The following WDR18 variants were observed in gnomAD, a reference collection of about 807,000 sequenced individuals.
WDR18 encodes WD repeat domain 18.
A neutral mutation model predicts 49.6 loss-of-function variants in WDR18; 33 were observed. That is an observed-to-expected ratio of 0.67 (90% CI 0.50 to 0.89). The LOEUF (loss-of-function observed/expected upper bound fraction) is 0.89, where lower values mean the gene tolerates loss of function less well. Among genes scored for constraint, WDR18 ranks in the 40% least tolerant of loss-of-function variants. The probability of loss-of-function intolerance (pLI) is 0.00; values close to 1 mark genes in which losing one functional copy is unlikely to be tolerated. For synonymous variants in WDR18, 315 were observed against 263.6 expected (o/e 1.19, Z -1.89); for missense variants, 653 against 593.6 (o/e 1.10, Z -1.04).
chr19:992,947 C>T (rs566801335), intron 8 of WDR18, among the ~76,000 whole-genome samples: 22 of 152,344 alleles, frequency 1.4e-4, no homozygotes, highest in East Asian at 7.7e-4. Flanking sequence ...GGAGGGTGCC[C>T]GACAGCCTGA....
chr19:991,430 G>A, intron 7 of WDR18, 79 bp downstream of exon 7: 7 of 1,411,788 alleles, frequency 5.0e-6, no homozygotes, highest in Non-Finnish European at 6.5e-6. Flanking sequence ...GCTTGGGTGG[G>A]GGCGGGGACT....
At chr19:986,003 C>T in intron 2 of WDR18, 28 bp downstream of exon 2, 1 of 1,603,082 alleles carries the variant, frequency 6.2e-7, no homozygotes. Flanking sequence ...TGAGCGTTTC[C>T]CACAGGACAT....
intron 8 of WDR18, 111 bp downstream of exon 8, chr19:992,232 G>C: frequency 7.7e-7 from 1 of 1,307,048 alleles, no homozygotes; most frequent in South Asian, 1.7e-5. Flanking sequence ...TTCCCCACAA[G>C]CCCGGCACTG....
chr19:990,412 C>T (rs917042012), intron 4 of WDR18, 48 bp downstream of exon 4: 24 of 1,472,922 alleles, frequency 1.6e-5, no homozygotes, highest in East Asian at 5.2e-5. Context: ...GCCCAGCAGC[C>T]GCAGGTCCTC....
At position 984,429 on chromosome 19, in the gene WDR18, C is replaced by A. The variant is rs750704310; in HGVS notation, c.76C>A (p.His26Asn). The change falls in exon 1 of 10, where the codon CAC becomes AAC. Residue 26 changes from histidine to asparagine, a missense_variant. By Grantham distance (68) the His-to-Asn change is moderately conservative (BLOSUM62 1). Coordinates refer to ENST00000585809, the MANE Select transcript of WDR18 (RefSeq NM_024100.4). ...PMWSCIVWEL[H>N]SGANLLTYRG... is the part of the protein sequence containing the mutation. ...GTGGAGCTGCATCGTGTGGGAACTT[C>A]ACTCGGGCGCCAACCTGCTCACCTA... 60 of 1,602,474 alleles carry A rather than the reference C, an allele frequency of 3.7e-5. No individual in the cohort carries two copies. Among genetic ancestry groups the A allele is most frequent in the Non-Finnish European group, 1.7e-6 (2 of 1,175,902 alleles).
rs1348612148 is a variant in WDR18, at chr19:990,849, C to A, written c.598-3C>A. 6 of 1,599,282 alleles carry A rather than the reference C, an allele frequency of 3.8e-6. No individual in the cohort carries two copies. The South Asian group carries it at 5.6e-5, about 15-fold the overall frequency. ...GAGCCCCACGCCCTTTGCCCACCCGCAGCTATGGGAGGTCTCCTCGGGGGA... is the reference window on the plus strand; with the variant it reads ...GAGCCCCACGCCCTTTGCCCACCCGAAGCTATGGGAGGTCTCCTCGGGGGA... On this transcript the variant is annotated splice_region_variant and splice_polypyrimidine_tract_variant and intron_variant, in intron 4 of 9. Transcript: ENST00000585809.
intron 8 of WDR18, among the ~76,000 whole-genome samples, chr19:992,996 C>T (rs2038579774): frequency 6.6e-6 from 1 of 152,240 alleles, no homozygotes; most frequent in Non-Finnish European, 1.5e-5. Context: ...GCCGTTATCT[C>T]CCTTGTCCGT....
chr19:993,920 C>T (rs1427878939), intron 8 of WDR18, 100 bp from the exon 9 acceptor site: 9 of 1,369,754 alleles, frequency 6.6e-6, no homozygotes, highest in Non-Finnish European at 9.0e-6. Context: ...GTGGCCCCTC[C>T]CTGGCTGAGT....
intron 2 of WDR18, among the ~76,000 whole-genome samples, chr19:989,184 G>A (rs1168750051): frequency 3.7e-5 from 4 of 107,716 alleles, no homozygotes; most frequent in Non-Finnish European, 7.6e-5. Context: ...CTCAGTCCTC[G>A]AACCCACAAC....
rs2240150 is a variant in WDR18, at chr19:991,063, A to C, written c.742-18A>C. ...AGGGCATCGGGCCTGCGGCTCACAC[A>C]CGTCTCGGCCTTCGCAGCCCGGACA... is the stretch of plus-strand genomic sequence containing the variant. On this transcript the variant is annotated intron_variant, in intron 5 of 9. Coordinates refer to ENST00000585809, the MANE Select transcript of WDR18 (RefSeq NM_024100.4). 0.13 allele frequency: 211,683 copies of C among 1,601,796 alleles called. 15,409 individuals carry two copies. The highest frequency in any genetic ancestry group is 0.27 in the South Asian group (24,075 of 89,518).
intron 3 of WDR18, 37 bp from the exon 4 acceptor site, chr19:990,186 C>A: frequency 1.3e-6 from 2 of 1,573,034 alleles, no homozygotes; most frequent in Admixed American, 1.7e-5. Flanking sequence ...GTTCCCTCCG[C>A]TCCCCGCCTG....
At chr19:983,218 G>A (rs1017774339), upstream of WDR18, among the ~76,000 whole-genome samples, 8 of 152,204 alleles carry the variant, frequency 5.3e-5, no homozygotes, top group East Asian at 1.9e-4. Context: ...CAAGGCCTAA[G>A]CCCAGGTGTT....
Position 990,346 on chromosome 19 carries a change from A to G in WDR18, c.579A>G (p.Ser193=), listed in dbSNP as rs1314024488. ...CCCTGGCCCGGGTGGCCACCTCCTC[A>G]CTGGACCAGACGGTGAAGGTACGCC... ...GGPLARVATS[S]LDQTVKLWEV... is the part of the protein sequence containing the mutation. The change falls in exon 4 of 10, where the codon TCA becomes TCG. Residue 193 remains serine (S), a synonymous_variant. Transcript: ENST00000585809. 3 of 1,578,330 alleles carry G rather than the reference A, an allele frequency of 1.9e-6. No individual in the cohort carries two copies. The African/African-American group carries it at 4.0e-5, about 21-fold the overall frequency.
chr19:990,527 C>T, intron 4 of WDR18, 163 bp downstream of exon 4: 2 of 1,118,186 alleles, frequency 1.8e-6, no homozygotes, highest in Admixed American at 3.3e-5. Context: ...GGGAGGTCTG[C>T]CAGCCTGGAA....
In WDR18 at chr19:994,242, C is replaced by G. The variant is rs956435939; in HGVS notation, c.1197C>G (p.Arg399=). ...TGCTCGGCGGCCAGGACCAGCTGCG[C>G]GTCCGTGTGACGGAGCTGGAGGACG... ...KSVLGGQDQL[R]VRVTELEDEV... Residue 399 remains arginine, a synonymous_variant, in exon 10 of 10, where the codon CGC becomes CGG. Coordinates refer to ENST00000585809, the MANE Select transcript of WDR18 (RefSeq NM_024100.4). 1 of 1,607,004 alleles carries G rather than the reference C, an allele frequency of 6.2e-7. No individual in the cohort carries two copies. The highest frequency in any genetic ancestry group is 1.7e-5 in the Admixed American group (1 of 59,648).
At chr19:990,703 A>C in intron 4 of WDR18, 149 bp from the exon 5 acceptor site, 2 of 1,238,166 alleles carry the variant, frequency 1.6e-6, no homozygotes, top group Non-Finnish European at 1.1e-6. Context: ...CCTGGCCCCC[A>C]AGACCCACAT....
upstream of WDR18, among the ~76,000 whole-genome samples, chr19:983,063 C>T (rs534084731): frequency 1.3e-3 from 191 of 152,356 alleles, no homozygotes; most frequent in African/African-American, 4.5e-3. Context: ...CAGCTGCAAC[C>T]CCCGGGCGGA....
At chr19:994,174 CA>C in intron 9 of WDR18, 38 bp from the exon 10 acceptor site, 1 of 1,571,184 alleles carries the variant, frequency 6.4e-7, no homozygotes, top group Non-Finnish European at 8.6e-7. Context: ...CAGCACACCC[CA>C]GGCCACTTCT....
At chr19:984,938 G>A (rs1358052535) in intron 1 of WDR18, among the ~76,000 whole-genome samples, 1 of 152,136 alleles carries the variant, frequency 6.6e-6, no homozygotes, top group Non-Finnish European at 1.5e-5. Flanking sequence ...AAGGACCAAG[G>A]TCTGGGGGAG....
Sources: allele counts gnomAD v4.1 joint callset (sites outside exome capture counted in the v4.1 genomes callset), GRCh38; gene constraint gnomAD v4.1.1; transcripts MANE v1.5; gene names NCBI Gene and HGNC (gene_info 2026-07-23, HGNC 2026-07-21).